The following ATG10 variants were observed in gnomAD, a reference collection of about 807,000 sequenced individuals.
The protein encoded by ATG10 is autophagy related 10, also known as ubiquitin-like-conjugating enzyme ATG10.
A neutral mutation model predicts 32.1 loss-of-function variants in ATG10; 30 were observed. The ratio of observed to expected loss-of-function variants is 0.94; its 90% CI spans 0.70 to 1.27. ATG10 has a LOEUF of 1.27. Among genes scored for constraint, ATG10 ranks in the 50% most tolerant of loss-of-function variants. The pLI, the probability that ATG10 is intolerant of heterozygous loss-of-function variation, is 0.00. For synonymous variants in ATG10, 87 were observed against 91.5 expected (o/e 0.95, Z 0.28); for missense variants, 233 against 262.3 (o/e 0.89, Z 0.77).
At chr5:82,160,354 G>T (rs1028225497) in intron 3 of ATG10, among the ~76,000 whole-genome samples, 3 of 152,112 alleles carry the variant, frequency 2.0e-5, no homozygotes, top group African/African-American at 7.2e-5. Context: ...TATCTCAATT[G>T]TTTGTTCCTT....
chr5:82,240,384 G>A (rs1284700715), intron 5 of ATG10, among the ~76,000 whole-genome samples: 1 of 152,144 alleles, frequency 6.6e-6, no homozygotes, highest in East Asian at 1.9e-4. Context: ...TGGAACTGGA[G>A]GACATCATGT....
chr5:82,145,018 CTT>C (rs757470980), intron 3 of ATG10, among the ~76,000 whole-genome samples: 4 of 151,792 alleles, frequency 2.6e-5, no homozygotes, highest in Non-Finnish European at 5.9e-5. Context: ...AAAATTGCCT[CTT>C]TTATCATTAT....
rs780024065 is a variant in ATG10 at position 82,208,511 on chromosome 5, C to T, written c.453+29924C>T. 6.6e-5 allele frequency among the ~76,000 whole-genome samples: 10 copies of T among 152,176 alleles called. 1 individual carries two copies. Among genetic ancestry groups the T allele is most frequent in the South Asian group, 4.2e-4 (2 of 4,818 alleles). Reference sequence around the variant, plus strand: ...TAGTATTCTACTTATAGAACTGGCGCGTCTTTTGTTGCATTTTCTTAGCTT... The same window carrying T: ...TAGTATTCTACTTATAGAACTGGCGTGTCTTTTGTTGCATTTTCTTAGCTT... On this transcript the variant is annotated intron_variant, in intron 5 of 7. Coordinates refer to ENST00000282185, the MANE Select transcript of ATG10 (RefSeq NM_031482.5).
intron 3 of ATG10, among the ~76,000 whole-genome samples, chr5:82,155,118 A>G (rs1408446842): frequency 6.6e-6 from 1 of 152,250 alleles, no homozygotes; most frequent in East Asian, 1.9e-4. Flanking sequence ...AGGAACTTGC[A>G]GTTTATTCAT....
intron 5 of ATG10, among the ~76,000 whole-genome samples, chr5:82,244,438 G>C (rs575850089): frequency 6.6e-6 from 1 of 152,238 alleles, no homozygotes; most frequent in African/African-American, 2.4e-5. Flanking sequence ...AATAAAGCCT[G>C]TCTCAAAGAG....
intron 2 of ATG10, among the ~76,000 whole-genome samples, chr5:82,001,817 A>G (rs1030974762): frequency 2.6e-5 from 4 of 152,238 alleles, no homozygotes; most frequent in Non-Finnish European, 5.9e-5. Context: ...GTTTCTGTAC[A>G]GCAAAAGAAA....
chr5:82,083,192 C>A (rs995246792), intron 3 of ATG10, among the ~76,000 whole-genome samples: 2 of 152,210 alleles, frequency 1.3e-5, no homozygotes, highest in South Asian at 2.1e-4. Context: ...TATCCTGTGC[C>A]TGGCTCGTAG....
At chr5:82,119,054 T>C (rs1765936662) in intron 3 of ATG10, among the ~76,000 whole-genome samples, 1 of 152,224 alleles carries the variant, frequency 6.6e-6, no homozygotes, top group Non-Finnish European at 1.5e-5. Flanking sequence ...GTTTGAACTA[T>C]GTTAATTGAT....
intron 3 of ATG10, among the ~76,000 whole-genome samples, chr5:82,064,728 A>G (rs1037114556): frequency 2.0e-5 from 3 of 152,132 alleles, no homozygotes; most frequent in African/African-American, 4.8e-5. Context: ...ATTAATATTA[A>G]TATGGCAAAT....
At chr5:82,135,875 A>G (rs1581725754) in intron 3 of ATG10, among the ~76,000 whole-genome samples, 1 of 152,022 alleles carries the variant, frequency 6.6e-6, no homozygotes, top group Admixed American at 6.6e-5. Flanking sequence ...TAGGTCTCTA[A>G]GAACTTGCTT....
chr5:82,065,995 G>A (rs994057020), intron 3 of ATG10, among the ~76,000 whole-genome samples: 3 of 151,838 alleles, frequency 2.0e-5, no homozygotes, highest in Admixed American at 6.6e-5. Context: ...TAAAAAAATC[G>A]TGTCCAGCAC....
At chr5:81,985,693 T>C (rs1561239667) in intron 1 of ATG10, among the ~76,000 whole-genome samples, 1 of 152,204 alleles carries the variant, frequency 6.6e-6, no homozygotes, top group Non-Finnish European at 1.5e-5. Flanking sequence ...CAACAGCAGT[T>C]TATTTTTCTT....
intron 3 of ATG10, among the ~76,000 whole-genome samples, chr5:82,160,347 C>T (rs1013519678): frequency 6.6e-6 from 1 of 152,154 alleles, no homozygotes; most frequent in Non-Finnish European, 1.5e-5. Flanking sequence ...TGTTGTGTAT[C>T]TCAATTGTTT....
intron 2 of ATG10, among the ~76,000 whole-genome samples, chr5:82,046,689 T>G (rs1561271590): frequency 6.6e-6 from 1 of 152,198 alleles, no homozygotes; most frequent in Non-Finnish European, 1.5e-5. Flanking sequence ...CAGGTATCCT[T>G]CATTTCACTA....
intron 3 of ATG10, among the ~76,000 whole-genome samples, chr5:82,126,846 A>G (rs1170353091): frequency 1.3e-5 from 2 of 152,296 alleles, no homozygotes; most frequent in Admixed American, 6.5e-5. Context: ...GAGTAGTTTC[A>G]GAAGGAATGG....
chr5:82,116,617 G>C (rs1382007152), intron 3 of ATG10, among the ~76,000 whole-genome samples: 1 of 152,062 alleles, frequency 6.6e-6, no homozygotes, highest in Middle Eastern at 3.2e-3. Flanking sequence ...AAACTGCTGA[G>C]TAGAAGGTCT....
At chr5:82,121,764 T>G (rs1766047322) in intron 3 of ATG10, among the ~76,000 whole-genome samples, 1 of 152,174 alleles carries the variant, frequency 6.6e-6, no homozygotes, top group African/African-American at 2.4e-5. Flanking sequence ...TGAATGACAT[T>G]TATTGATTTG....
At chr5:82,027,008 G>A (rs1163517125) in intron 2 of ATG10, among the ~76,000 whole-genome samples, 1 of 150,946 alleles carries the variant, frequency 6.6e-6, no homozygotes, top group Admixed American at 6.6e-5. Flanking sequence ...GCAGTGAGCC[G>A]AGATCACACC....
intron 5 of ATG10, among the ~76,000 whole-genome samples, chr5:82,241,289 A>G (rs1746792850): frequency 6.6e-6 from 1 of 152,208 alleles, no homozygotes; most frequent in African/African-American, 2.4e-5. Context: ...AGTCATCATT[A>G]TATTTTGTCT....
Sources: allele counts gnomAD v4.1 joint callset (sites outside exome capture counted in the v4.1 genomes callset), GRCh38; gene constraint gnomAD v4.1.1; transcripts MANE v1.5; gene names NCBI Gene and HGNC (gene_info 2026-07-23, HGNC 2026-07-21).